The following ARFGEF1 variants were observed in gnomAD, a reference collection of about 807,000 sequenced individuals.
ARFGEF1 encodes the protein brefeldin A-inhibited guanine nucleotide-exchange protein 1.
ARFGEF1 carries 42 observed loss-of-function variants against 231.0 expected under a neutral mutation model. The ratio of observed to expected loss-of-function variants is 0.18; its 90% CI spans 0.14 to 0.24. The LOEUF is 0.24. Among genes scored for constraint, ARFGEF1 ranks in the 10% least tolerant of loss-of-function variants. The pLI is 1.00. For missense variants in ARFGEF1, 1,345 were observed against 2,192.0 expected (o/e 0.61, Z 7.72); for synonymous variants, 710 against 732.3 (o/e 0.97, Z 0.49).
chr8:67,193,751 C>T, downstream of ARFGEF1: 1 of 567,096 alleles, frequency 1.8e-6, no homozygotes, highest in Non-Finnish European at 2.9e-6. Flanking sequence ...AACTATTGAG[C>T]AAAACCAGAC....
intron 34 of ARFGEF1, chr8:67,207,317 G>C (rs868437702): frequency 1.1e-4 from 16 of 152,242 alleles, no homozygotes; most frequent in African/African-American, 3.9e-4. Flanking sequence ...AACGTGAGTT[G>C]CTCAGGGGTG....
chr8:67,255,132 A>T (rs1429099897), intron 17 of ARFGEF1, among the ~76,000 whole-genome samples: 6 of 152,234 alleles, frequency 3.9e-5, no homozygotes, highest in Non-Finnish European at 2.9e-5. Flanking sequence ...TTGCCTGTGG[A>T]TCTGGGTTAG....
chr8:67,192,882 G>A (rs1836778388), downstream of ARFGEF1, among the ~76,000 whole-genome samples: 1 of 152,120 alleles, frequency 6.6e-6, no homozygotes, highest in Non-Finnish European at 1.5e-5. Context: ...ACACTGTCTT[G>A]ATTATAGCTG....
At chr8:67,214,936 C>A (rs1287002560) in intron 33 of ARFGEF1, among the ~76,000 whole-genome samples, 1 of 152,028 alleles carries the variant, frequency 6.6e-6, no homozygotes, top group Non-Finnish European at 1.5e-5. Context: ...AAGAAGCCAG[C>A]CATAGCCCCA....
rs115345821 is a variant in ARFGEF1 at position 67,282,012 on chromosome 8, A to T, written c.1028-4555T>A. ...TCTTCCCAAGTTAATTTATAAGCAC[A>T]TTACAATTTCAATTACTAAGTAAGC... On this transcript the variant is annotated intron_variant, in intron 7 of 38. Transcript: ENST00000262215. Among the ~76,000 whole-genome samples the T allele has an allele frequency of 8.0e-3, 1,218 of 152,296 alleles. 12 individuals are homozygous for T. Among genetic ancestry groups the T allele is most frequent in the African/African-American group, 0.028 (1,163 of 41,582 alleles).
chr8:67,282,777 G>T (rs1324695995), intron 7 of ARFGEF1, among the ~76,000 whole-genome samples: 1 of 151,538 alleles, frequency 6.6e-6, no homozygotes, highest in Non-Finnish European at 1.5e-5. Context: ...GAACCCGATA[G>T]GCAGAGTTTG....
intron 5 of ARFGEF1, among the ~76,000 whole-genome samples, chr8:67,188,357 A>G (rs1467497192): frequency 1.3e-5 from 2 of 152,348 alleles, no homozygotes; most frequent in Admixed American, 1.3e-4. Flanking sequence ...ACCCACCTTT[A>G]AACACAGGGC....
At chr8:67,276,656 G>A (rs1422646715) in intron 8 of ARFGEF1, among the ~76,000 whole-genome samples, 1 of 152,070 alleles carries the variant, frequency 6.6e-6, no homozygotes, top group African/African-American at 2.4e-5. Context: ...CATTACCATG[G>A]TACTGATTTC....
intron 19 of ARFGEF1, 31 bp downstream of exon 19, chr8:67,251,268 C>T (rs753956200): frequency 6.4e-7 from 1 of 1,559,842 alleles, no homozygotes; most frequent in South Asian, 1.2e-5. Flanking sequence ...TAAATGTACA[C>T]TGCAATCAAA....
At chr8:67,285,746 A>G (rs1805731770) in intron 7 of ARFGEF1, among the ~76,000 whole-genome samples, 1 of 152,178 alleles carries the variant, frequency 6.6e-6, no homozygotes, top group African/African-American at 2.4e-5. Context: ...ACCATGCAGT[A>G]TTTTTGCCAA....
chr8:67,218,231 T>TATATATATAA, intron 30 of ARFGEF1, 93 bp from the exon 31 acceptor site: 3 of 240,944 alleles, frequency 1.2e-5, no homozygotes, highest in African/African-American at 5.1e-5. Flanking sequence ...TATATATATA[T>TATATATATAA]ATAAATGTTT....
chr8:67,194,441 A>G (rs1837310310), downstream of ARFGEF1, among the ~76,000 whole-genome samples: 1 of 152,222 alleles, frequency 6.6e-6, no homozygotes, highest in Admixed American at 6.5e-5. Flanking sequence ...AACACAAAGC[A>G]GACATGGTTA....
At chr8:67,285,692 C>T (rs987515679) in intron 7 of ARFGEF1, among the ~76,000 whole-genome samples, 24 of 152,278 alleles carry the variant, frequency 1.6e-4, no homozygotes, top group African/African-American at 5.1e-4. Flanking sequence ...GGTAACCTGT[C>T]ATTATGTACC....
chr8:67,339,610 A>C (rs1808506864), intron 1 of ARFGEF1, among the ~76,000 whole-genome samples: 1 of 151,842 alleles, frequency 6.6e-6, no homozygotes, highest in Non-Finnish European at 1.5e-5. Context: ...ATCTGCCAGC[A>C]GATGGCCAGA....
At chr8:67,213,951 T>C (rs778013451) in intron 33 of ARFGEF1, among the ~76,000 whole-genome samples, 2 of 152,204 alleles carry the variant, frequency 1.3e-5, no homozygotes, top group Non-Finnish European at 2.9e-5. Context: ...AAGATTTTGA[T>C]ACCATGAAAT....
At chr8:67,249,093 T>C (rs1046016235) in intron 19 of ARFGEF1, among the ~76,000 whole-genome samples, 1 of 150,428 alleles carries the variant, frequency 6.6e-6, no homozygotes, top group Non-Finnish European at 1.5e-5. Flanking sequence ...GGAACTATGG[T>C]TGATGTTGGG....
chr8:67,177,954 A>G (rs1209708487), intron 5 of ARFGEF1, among the ~76,000 whole-genome samples: 2 of 152,180 alleles, frequency 1.3e-5, no homozygotes, highest in Non-Finnish European at 2.9e-5. Flanking sequence ...CAGTGAGTCT[A>G]TTTTTAGCTG....
At chr8:67,291,044 T>C (rs1805985574) in intron 6 of ARFGEF1, among the ~76,000 whole-genome samples, 1 of 151,928 alleles carries the variant, frequency 6.6e-6, no homozygotes, top group Non-Finnish European at 1.5e-5. Context: ...TCAGATGAAC[T>C]GTAACTGACT....
intron 1 of ARFGEF1, among the ~76,000 whole-genome samples, chr8:67,333,239 T>G (rs1057141826): frequency 6.6e-6 from 1 of 151,978 alleles, no homozygotes; most frequent in Non-Finnish European, 1.5e-5. Context: ...TTCACCATGT[T>G]GGCCAGGATG....
Sources: gnomAD v4.1 joint callset for allele counts (sites outside exome capture counted in the v4.1 genomes callset) on GRCh38, gnomAD v4.1.1 for gene constraint, MANE v1.5 for transcripts, NCBI Gene and HGNC (gene_info 2026-07-23, HGNC 2026-07-21) for gene names.